CCPG1: variants seen among roughly 807,000 people sequenced by gnomAD.
CCPG1 encodes the protein cell cycle progression 1.
CCPG1 carries 46 observed loss-of-function variants against 81.3 expected under a neutral mutation model. The observed-to-expected ratio is 0.57, with a 90% CI of 0.45 to 0.72. The LOEUF is 0.72. Among genes scored for constraint, CCPG1 ranks in the 30% least tolerant of loss-of-function variants. The pLI is 0.00. For synonymous variants in CCPG1, 330 were observed against 305.2 expected (o/e 1.08, Z -0.85); for missense variants, 902 against 937.6 (o/e 0.96, Z 0.50).
At chr15:55,366,485 G>T (rs1007375181) in intron 6 of CCPG1, among the ~76,000 whole-genome samples, 1 of 151,956 alleles carries the variant, frequency 6.6e-6, no homozygotes, top group African/African-American at 2.4e-5. Flanking sequence ...AGTGATAAAA[G>T]AATTGGACAG....
rs1198820366 is a variant in CCPG1, at chr15:55,355,409, T to C, written c.*811A>G. On this transcript the variant is annotated 3_prime_UTR_variant, in exon 9 of 9. Transcript: ENST00000442196. ...CTATGAACGGAAGTTAAAAGGGAAATTCAACATGAAGATGAAATTCTGAAC... is the reference window on the plus strand; with the variant it reads ...CTATGAACGGAAGTTAAAAGGGAAACTCAACATGAAGATGAAATTCTGAAC... 1 of 1,607,358 alleles carries C rather than the reference T, an allele frequency of 6.2e-7. No homozygotes were observed. Among genetic ancestry groups the C allele is most frequent in the Non-Finnish European group, 8.5e-7 (1 of 1,177,510 alleles).
At chr15:55,392,807 G>T (rs2056947544) in intron 1 of CCPG1, among the ~76,000 whole-genome samples, 1 of 152,174 alleles carries the variant, frequency 6.6e-6, no homozygotes, top group African/African-American at 2.4e-5. Context: ...ATAAGCGGTT[G>T]TATCTGGTCA....
At chr15:55,368,349 T>TCC (rs1189086109) in intron 6 of CCPG1, among the ~76,000 whole-genome samples, 1 of 152,190 alleles carries the variant, frequency 6.6e-6, no homozygotes, top group Non-Finnish European at 1.5e-5. Context: ...GCTGGAATGT[T>TCC]CCACCTTCCC....
chr15:55,355,395 A>G lies in CCPG1; in HGVS notation c.*825T>C. 6.2e-7 allele frequency: 1 copy of G among 1,609,584 alleles called. No individual in the cohort carries two copies. The highest frequency in any genetic ancestry group is 1.1e-5 in the South Asian group (1 of 90,060). On this transcript the variant is annotated 3_prime_UTR_variant, in exon 9 of 9. Transcript: ENST00000442196. ...AGTCACATATATGTCTATGAACGGA[A>G]GTTAAAAGGGAAATTCAACATGAAG...
chr15:55,359,162 C>A, intron 8 of CCPG1: 2 of 978,678 alleles, frequency 2.0e-6, no homozygotes, highest in Non-Finnish European at 2.4e-6. Flanking sequence ...TTGCTCATTC[C>A]TAGCTTCCAA....
intron 3 of CCPG1, among the ~76,000 whole-genome samples, chr15:55,381,285 TA>T (rs71105874): frequency 6.8e-6 from 1 of 147,916 alleles, no homozygotes; most frequent in African/African-American, 2.5e-5. Context: ...AAATAAAAAA[TA>T]AAAAAAAAAT....
chr15:55,372,336 C>T (rs180988217), intron 5 of CCPG1: 219 of 375,684 alleles, frequency 5.8e-4, no homozygotes, highest in Non-Finnish European at 9.5e-4. Context: ...AGTTTACACT[C>T]TTAGAACAAT....
At chr15:55,358,815 C>G in intron 8 of CCPG1, 2 of 979,826 alleles carry the variant, frequency 2.0e-6, no homozygotes, top group Non-Finnish European at 2.4e-6. Context: ...AGCTTAATGA[C>G]TAAAGACACC....
Position 55,385,600 on chromosome 15 carries a change from C to T in CCPG1, c.175G>A (p.Glu59Lys), listed in dbSNP as rs373616354. The T allele has an allele frequency of 1.7e-5, 26 of 1,518,760 alleles. No homozygotes were observed. Among genetic ancestry groups the T allele is most frequent in the Non-Finnish European group, 2.2e-5 (25 of 1,112,574 alleles). The allele number at this position is 1,518,760 out of a possible 1,614,324, so 94.1% of individuals were successfully genotyped here. Residue 59 changes from glutamate (E) to lysine (K), a missense_variant and splice_region_variant, in exon 3 of 9, where the codon GAA becomes AAA. Transcript: ENST00000442196. ...ELQALQIEQGESSQNGTVLME... is the reference protein window; with the variant it reads ...ELQALQIEQGKSSQNGTVLME... ...AAATTAGAATTTGTGAACAACTTAC[C>T]TCCTTGCTCTATCTGCAATGCTTGA...
chr15:55,366,116 G>A (rs1423006682), intron 6 of CCPG1, among the ~76,000 whole-genome samples: 2 of 151,918 alleles, frequency 1.3e-5, no homozygotes, highest in Admixed American at 6.6e-5. Flanking sequence ...AAAACACACA[G>A]GCCAGCCCAT....
At chr15:55,365,120 C>A in intron 7 of CCPG1, 68 bp downstream of exon 7, 3 of 917,974 alleles carry the variant, frequency 3.3e-6, no homozygotes, top group South Asian at 1.6e-5. Context: ...CTAATAAGCA[C>A]AATAAGCTCT....
intron 1 of CCPG1, among the ~76,000 whole-genome samples, chr15:55,395,556 T>C (rs913919522): frequency 1.3e-5 from 2 of 152,112 alleles, no homozygotes; most frequent in African/African-American, 4.8e-5. Flanking sequence ...CTTGGCTTTG[T>C]CTTTACTCCA....
At chr15:55,386,840 T>G (rs1445065203) in intron 2 of CCPG1, among the ~76,000 whole-genome samples, 1 of 150,088 alleles carries the variant, frequency 6.7e-6, no homozygotes, top group Non-Finnish European at 1.5e-5. Context: ...GAGCTTGCAG[T>G]GAGCAGAGAT....
chr15:55,374,220 G>A, intron 5 of CCPG1: 2 of 1,288,562 alleles, frequency 1.6e-6, no homozygotes, highest in Non-Finnish European at 2.0e-6. Flanking sequence ...TATGCACTCA[G>A]GAATCTTCCA....
At chr15:55,376,880 G>C in intron 5 of CCPG1, 69 bp downstream of exon 5, 2 of 1,115,622 alleles carry the variant, frequency 1.8e-6, no homozygotes, top group African/African-American at 3.1e-5. Context: ...ATTATTAGGG[G>C]TAGAAAACAA....
intron 7 of CCPG1, among the ~76,000 whole-genome samples, chr15:55,363,799 CT>C (rs565044184): frequency 2.0e-3 from 185 of 93,918 alleles, no homozygotes; most frequent in African/African-American, 4.7e-3. Context: ...TTTCCTTTTC[CT>C]TTTTTTTTTT....
intron 1 of CCPG1, among the ~76,000 whole-genome samples, chr15:55,390,904 T>C (rs1422791305): frequency 6.6e-6 from 1 of 152,224 alleles, no homozygotes; most frequent in East Asian, 1.9e-4. Flanking sequence ...TGAGGTCATC[T>C]AATTGTTTTA....
intron 5 of CCPG1, among the ~76,000 whole-genome samples, chr15:55,373,664 G>A (rs538280804): frequency 1.3e-5 from 2 of 152,262 alleles, no homozygotes; most frequent in African/African-American, 4.8e-5. Flanking sequence ...TGGACAAAGA[G>A]AAAGAAAGGA....
At chr15:55,374,261 T>C (rs148125543) in intron 5 of CCPG1, 63 of 1,269,384 alleles carry the variant, frequency 5.0e-5, no homozygotes, top group African/African-American at 4.9e-4. Flanking sequence ...CTTTTGTGAA[T>C]AAACAGGAAA....
Sources: gnomAD v4.1 joint callset for allele counts (sites outside exome capture counted in the v4.1 genomes callset) on GRCh38, gnomAD v4.1.1 for gene constraint, MANE v1.5 for transcripts, NCBI Gene and HGNC (gene_info 2026-07-23, HGNC 2026-07-21) for gene names.